The following ARHGEF9 variants were observed in gnomAD, a reference collection of about 807,000 sequenced individuals.
The protein encoded by ARHGEF9 is rho guanine nucleotide exchange factor 9.
A neutral mutation model predicts 41.3 loss-of-function variants in ARHGEF9; 2 were observed. The observed-to-expected ratio is 0.05, with a 90% confidence interval of 0.02 to 0.15. The LOEUF (loss-of-function observed/expected upper bound fraction) is 0.15. Among genes scored for constraint, ARHGEF9 ranks in the 10% least tolerant of loss-of-function variants. The pLI is 1.00. For missense variants in ARHGEF9, 225 were observed against 424.7 expected, an observed-to-expected ratio of 0.53 and a Z score of 4.13; for synonymous variants, 160 against 154.4, an observed-to-expected ratio of 1.04 and a Z score of -0.27.
chrX:63,778,088 T>C (rs1210221677), intron 1 of ARHGEF9, among the ~76,000 whole-genome samples: 2 of 112,980 alleles, frequency 1.8e-5, no homozygotes, highest in African/African-American at 6.4e-5. Flanking sequence ...GCAGAAGTTC[T>C]CCATGAGGGC....
At chrX:63,695,220 T>C (rs2051653499) in intron 4 of ARHGEF9, among the ~76,000 whole-genome samples, 1 of 112,013 alleles carries the variant, frequency 8.9e-6, no homozygotes, top group Admixed American at 9.5e-5. Context: ...TCCTACAATG[T>C]ACAGGGCAGC....
intron 7 of ARHGEF9, among the ~76,000 whole-genome samples, chrX:63,658,645 C>A (rs782718129): frequency 8.9e-6 from 1 of 111,975 alleles, no homozygotes; most frequent in Admixed American, 9.5e-5. Context: ...TTTCTTGCTC[C>A]TGGGCCAGTG....
chrX:63,750,113 G>A (rs2055527366), intron 1 of ARHGEF9, among the ~76,000 whole-genome samples: 1 of 112,208 alleles, frequency 8.9e-6, no homozygotes, highest in African/African-American at 3.2e-5. Context: ...GTCTTCTGAG[G>A]AGGCAGTTAT....
At chrX:63,773,028 T>C (rs782088775) in intron 1 of ARHGEF9, among the ~76,000 whole-genome samples, 1 of 111,874 alleles carries the variant, frequency 8.9e-6, no homozygotes, top group East Asian at 2.8e-4. Flanking sequence ...GGATGACCCT[T>C]TGACAGTATA....
intron 1 of ARHGEF9, among the ~76,000 whole-genome samples, chrX:63,735,122 C>G (rs2054533745): frequency 9.0e-6 from 1 of 111,347 alleles, no homozygotes; most frequent in African/African-American, 3.3e-5. Flanking sequence ...CCTTACTACC[C>G]TGAGATATGG....
chrX:63,644,846 G>A (rs191682010), intron 8 of ARHGEF9, among the ~76,000 whole-genome samples: 2 of 108,305 alleles, frequency 1.8e-5, no homozygotes, highest in East Asian at 5.8e-4. Flanking sequence ...GCTCACTGCA[G>A]CCTTGATCTC....
chrX:63,648,267 C>G (rs1216384702), intron 8 of ARHGEF9, among the ~76,000 whole-genome samples: 1 of 111,634 alleles, frequency 9.0e-6, no homozygotes, highest in African/African-American at 3.3e-5. Context: ...AGAAACTCTA[C>G]AAGCCAGAAG....
rs1226143048 is a variant in ARHGEF9, at chrX:63,755,308, C to G, written c.30+29808G>C. 7 of 826,762 alleles carry G rather than the reference C, an allele frequency of 8.5e-6. No individual in the cohort carries two copies. The East Asian group carries it at 3.0e-4, about 35-fold the overall frequency. The allele number at this position is 826,762 out of a possible 1,213,427, so 68.1% of individuals were successfully genotyped here. ...GACCGCCAATCAGAGCCTCAAGGCT[C>G]CCAAGCAAGCTCGCTCTCCCCAGAC... On this transcript the variant is annotated intron_variant, in intron 1 of 9. Transcript: ENST00000671741.
chrX:63,734,338 T>C lies in ARHGEF9; in HGVS notation c.31-9627A>G, dbSNP rs62609849. Among the ~76,000 whole-genome samples the C allele has an allele frequency of 4.7e-3, 528 of 112,342 alleles. 3 individuals carry two copies. The highest frequency in any genetic ancestry group is 7.4e-3 in the Non-Finnish European group (396 of 53,275). On this transcript the variant is annotated intron_variant, in intron 1 of 9. Transcript: ENST00000671741. The stretch of plus-strand genomic sequence containing the variant: ...GCTCCCAATCTGATAAACATTAGCT[T>C]GTATCTACAAAATATCTTGGAAACA...
At chrX:63,781,946 G>A (rs1213059148) in intron 1 of ARHGEF9, among the ~76,000 whole-genome samples, 2 of 111,950 alleles carry the variant, frequency 1.8e-5, no homozygotes, top group Non-Finnish European at 3.8e-5. Flanking sequence ...TATACACAGA[G>A]CTTGTTCCTG....
At chrX:63,680,342 T>TC (rs2050541821) in intron 4 of ARHGEF9, among the ~76,000 whole-genome samples, 1 of 112,012 alleles carries the variant, frequency 8.9e-6, no homozygotes, top group Admixed American at 9.4e-5. Flanking sequence ...CATCACCCCG[T>TC]CCCCATAGCT....
chrX:63,655,947 C>T (rs1454405440), intron 7 of ARHGEF9, among the ~76,000 whole-genome samples: 12 of 111,966 alleles, frequency 1.1e-4, no homozygotes, highest in African/African-American at 2.6e-4. Context: ...TGTCTCACCT[C>T]GAAAGATCAT....
intron 8 of ARHGEF9, among the ~76,000 whole-genome samples, chrX:63,654,159 C>CAA (rs782760710): frequency 4.7e-4 from 42 of 90,161 alleles, no homozygotes; most frequent in Non-Finnish European, 8.3e-4. Flanking sequence ...ATTATCAAAC[C>CAA]AAAAAAAAAA....
In ARHGEF9 at chrX:63,753,210, CT is replaced by C. The variant is rs782082484; in HGVS notation, c.31-28500del. On this transcript the variant is annotated intron_variant, in intron 1 of 9. Coordinates refer to ENST00000671741, the MANE Select transcript of ARHGEF9 (RefSeq NM_001353921.2). ...AGTCATATCTCAAACTGGAATGTTG[CT>C]TCCAGCTCATGTTTTCCATGCTCTC... Among the ~76,000 whole-genome samples the C allele has an allele frequency of 8.0e-5, 9 of 112,033 alleles. No individual in the cohort carries two copies. The South Asian group carries it at 3.4e-3, about 42-fold the overall frequency.
At chrX:63,770,663 C>A (rs1556454235) in intron 1 of ARHGEF9, among the ~76,000 whole-genome samples, 1 of 111,814 alleles carries the variant, frequency 8.9e-6, no homozygotes, top group African/African-American at 3.3e-5. Context: ...TTGTAATAAT[C>A]CCTACTTGTT....
intron 1 of ARHGEF9, among the ~76,000 whole-genome samples, chrX:63,782,519 T>C (rs1243289448): frequency 8.9e-6 from 1 of 112,423 alleles, no homozygotes; most frequent in African/African-American, 3.2e-5. Flanking sequence ...GCATCCTGTA[T>C]CTATGAGACA....
chrX:63,659,050 G>T (rs1240577273), intron 7 of ARHGEF9, among the ~76,000 whole-genome samples: 3 of 112,322 alleles, frequency 2.7e-5, no homozygotes, highest in Non-Finnish European at 5.6e-5. Flanking sequence ...AATTGTGAAG[G>T]CCCTGACATA....
At chrX:63,727,073 T>C (rs781935660) in intron 1 of ARHGEF9, 48 of 111,872 alleles carry the variant, frequency 4.3e-4, no homozygotes, top group African/African-American at 1.5e-3. Context: ...GTGGGCATTG[T>C]TAGAACTCAG....
intron 1 of ARHGEF9, among the ~76,000 whole-genome samples, chrX:63,734,142 C>A (rs1183568572): frequency 1.8e-5 from 2 of 111,946 alleles, no homozygotes; most frequent in Non-Finnish European, 3.8e-5. Flanking sequence ...TGAGACCCAG[C>A]TGCTGCCTCA....
Sources: allele counts gnomAD v4.1 joint callset (sites outside exome capture counted in the v4.1 genomes callset), GRCh38; gene constraint gnomAD v4.1.1; transcripts MANE v1.5; gene names NCBI Gene and HGNC (gene_info 2026-07-23, HGNC 2026-07-21).